Variants in ST3GAL6 observed in about 807,000 individuals in gnomAD.
The protein encoded by ST3GAL6 is type 2 lactosamine alpha-2,3-sialyltransferase.
Under a neutral mutation model 40.5 loss-of-function variants are expected in ST3GAL6, and 31 were observed. That is an observed-to-expected ratio of 0.77 (90% CI 0.58 to 1.03). The LOEUF (loss-of-function observed/expected upper bound fraction) is 1.03. Among genes scored for constraint, ST3GAL6 ranks in the 50% least tolerant of loss-of-function variants. The pLI is 0.00. For missense variants in ST3GAL6, 357 were observed against 393.2 expected (o/e 0.91, Z 0.78); for synonymous variants, 129 against 136.9 (o/e 0.94, Z 0.40).
chr3:98,736,552 T>C (rs80050194), intron 1 of ST3GAL6, among the ~76,000 whole-genome samples: 2 of 152,242 alleles, frequency 1.3e-5, no homozygotes, highest in African/African-American at 4.8e-5. Context: ...TCAGAGTCAC[T>C]ATGCTGAAAG....
At position 98,793,588 on chromosome 3, in the gene ST3GAL6, A is replaced by AT. The variant is rs201088391; in HGVS notation, c.910-80dup. 1,816 of 774,692 alleles carry AT rather than the reference A, an allele frequency of 2.3e-3. 20 individuals are homozygous for AT. The African/African-American group carries it at 0.028, about 12-fold the overall frequency. The allele number at this position is 774,692 out of a possible 1,614,324, so 48.0% of individuals were successfully genotyped here. ...CTTAACATTCGAGTTCTTTATTCGG[A>AT]TTTTTTTAGATATAAAGTACTCCAT... On this transcript the variant is annotated intron_variant, in intron 9 of 9. Transcript: ENST00000483910.
At chr3:98,744,847 C>G (rs1436027291) in intron 1 of ST3GAL6, among the ~76,000 whole-genome samples, 1 of 151,996 alleles carries the variant, frequency 6.6e-6, no homozygotes, top group Non-Finnish European at 1.5e-5. Context: ...TTATGCTGAA[C>G]TTTGGCATGT....
chr3:98,757,254 T>C (rs993572475), intron 1 of ST3GAL6, among the ~76,000 whole-genome samples: 4 of 152,246 alleles, frequency 2.6e-5, no homozygotes, highest in Admixed American at 2.0e-4. Flanking sequence ...AAGACACTTA[T>C]TGACTGATAA....
At chr3:98,733,208 G>A in intron 1 of ST3GAL6, 1 of 940,626 alleles carries the variant, frequency 1.1e-6, no homozygotes, top group Non-Finnish European at 1.3e-6. Flanking sequence ...GGGACCATGG[G>A]CGCTGGGACC....
intron 5 of ST3GAL6, among the ~76,000 whole-genome samples, chr3:98,775,250 G>A (rs147854927): frequency 5.7e-4 from 86 of 152,172 alleles, no homozygotes; most frequent in Middle Eastern, 3.4e-3. Context: ...AAGCTGAGGC[G>A]GGCAGATCGT....
chr3:98,745,313 C>T (rs929776856), intron 1 of ST3GAL6, among the ~76,000 whole-genome samples: 1 of 152,182 alleles, frequency 6.6e-6, no homozygotes. Context: ...GGATTACAGG[C>T]GTGAGCCACT....
chr3:98,777,201 C>T (rs548423807), intron 5 of ST3GAL6, among the ~76,000 whole-genome samples: 1 of 152,242 alleles, frequency 6.6e-6, no homozygotes. Flanking sequence ...TTCTTAAGGG[C>T]ATCTCCCAGA....
chr3:98,793,689 T>C lies in ST3GAL6; in HGVS notation c.924T>C (p.Asn308=), dbSNP rs1941393820. 3 of 1,588,856 alleles carry C rather than the reference T, an allele frequency of 1.9e-6. No individual in the cohort carries two copies. Among genetic ancestry groups the C allele is most frequent in the African/African-American group, 1.4e-5 (1 of 73,968 alleles). Residue 308 remains asparagine (N), a synonymous_variant, in exon 10 of 10, where the codon AAT becomes AAC. Transcript: ENST00000483910. ...MSLMNKNAYH[N]VTAEQLFLKD... is the part of the protein sequence containing the mutation. ...TTCTTCTTTAGAACGCGTATCACAA[T>C]GTGACTGCAGAGCAGCTCTTTTTGA...
At chr3:98,772,330 A>C (rs1249922843) in intron 3 of ST3GAL6, 1 of 152,778 alleles carries the variant, frequency 6.5e-6, no homozygotes, top group Non-Finnish European at 1.5e-5. Context: ...TGTTATAAAG[A>C]GAACATCTTC....
chr3:98,746,369 G>A (rs1353699504), intron 1 of ST3GAL6, among the ~76,000 whole-genome samples: 1 of 152,036 alleles, frequency 6.6e-6, no homozygotes, highest in Non-Finnish European at 1.5e-5. Flanking sequence ...GTAACCCTCA[G>A]TGTACTGGGG....
At chr3:98,777,225 A>G (rs1399918461) in intron 5 of ST3GAL6, among the ~76,000 whole-genome samples, 1 of 152,054 alleles carries the variant, frequency 6.6e-6, no homozygotes, top group African/African-American at 2.4e-5. Flanking sequence ...CCCATATAAC[A>G]CTTCCTTACC....
chr3:98,749,261 TA>T (rs556127768), intron 1 of ST3GAL6, among the ~76,000 whole-genome samples: 1 of 152,016 alleles, frequency 6.6e-6, no homozygotes, highest in East Asian at 1.9e-4. Flanking sequence ...TTTCATTTCA[TA>T]AAAAAATCTA....
intron 1 of ST3GAL6, among the ~76,000 whole-genome samples, chr3:98,767,887 T>G (rs1938530756): frequency 6.6e-6 from 1 of 152,168 alleles, no homozygotes; most frequent in African/African-American, 2.4e-5. Flanking sequence ...TAAAAGTATA[T>G]AAAAATTGAG....
chr3:98,786,661 T>C (rs142196364), intron 6 of ST3GAL6, among the ~76,000 whole-genome samples: 252 of 151,892 alleles, frequency 1.7e-3, no homozygotes, highest in Admixed American at 6.4e-3. Flanking sequence ...CAGATGGCAG[T>C]TAGAGATGGT....
At chr3:98,751,746 T>G (rs540074613) in intron 1 of ST3GAL6, among the ~76,000 whole-genome samples, 1 of 152,324 alleles carries the variant, frequency 6.6e-6, no homozygotes, top group Non-Finnish European at 1.5e-5. Context: ...TGTACCTTAC[T>G]TTGCTGAAAG....
At chr3:98,787,341 A>G (rs1395539517) in intron 6 of ST3GAL6, among the ~76,000 whole-genome samples, 1 of 152,198 alleles carries the variant, frequency 6.6e-6, no homozygotes, top group Non-Finnish European at 1.5e-5. Context: ...GCAAAGGGCA[A>G]AACAGTATTT....
chr3:98,744,249 G>T (rs1396708078), intron 1 of ST3GAL6, among the ~76,000 whole-genome samples: 1 of 152,214 alleles, frequency 6.6e-6, no homozygotes, highest in Non-Finnish European at 1.5e-5. Flanking sequence ...CTCCAGAACT[G>T]TGAGACAGTA....
chr3:98,789,711 T>C (rs1207371904), intron 8 of ST3GAL6, among the ~76,000 whole-genome samples: 1 of 152,198 alleles, frequency 6.6e-6, no homozygotes, highest in Non-Finnish European at 1.5e-5. Context: ...ATTTTGAGGG[T>C]AAAGGACAGC....
At chr3:98,752,741 G>C (rs1937109141) in intron 1 of ST3GAL6, among the ~76,000 whole-genome samples, 1 of 152,194 alleles carries the variant, frequency 6.6e-6, no homozygotes, top group Admixed American at 6.5e-5. Flanking sequence ...AAAGTGCTGG[G>C]ATTACAGGCG....
Sources: gnomAD v4.1 joint callset for allele counts (sites outside exome capture counted in the v4.1 genomes callset) on GRCh38, gnomAD v4.1.1 for gene constraint, MANE v1.5 for transcripts, NCBI Gene and HGNC (gene_info 2026-07-23, HGNC 2026-07-21) for gene names.